Variants in DNAJC6 observed in about 807,000 individuals in gnomAD.
The protein encoded by DNAJC6 is DnaJ heat shock protein family (Hsp40) member C6.
In DNAJC6, 34 loss-of-function variants were observed where a neutral mutation model predicts 110.0. The ratio of observed to expected loss-of-function variants is 0.31; its 90% CI spans 0.24 to 0.41. DNAJC6 has a LOEUF of 0.41. Ranked by LOEUF, DNAJC6 falls within the 10% of genes least tolerant of loss-of-function variation. The probability of loss-of-function intolerance (pLI) is 1.00; values close to 1 mark genes in which losing one functional copy is unlikely to be tolerated. For synonymous variants in DNAJC6, 406 were observed against 437.2 expected (o/e 0.93, Z 0.89); for missense variants, 1,031 against 1,207.8 (o/e 0.85, Z 2.17).
intron 1 of DNAJC6, among the ~76,000 whole-genome samples, chr1:65,283,313 G>A (rs1032093808): frequency 1.3e-5 from 2 of 151,932 alleles, no homozygotes; most frequent in South Asian, 2.1e-4. Flanking sequence ...TCCATTTCCC[G>A]GTCCTTAACC....
In DNAJC6 at chr1:65,390,770, A is replaced by G. The variant is rs557345968; in HGVS notation, c.1468+1143A>G. 2.6e-5 allele frequency among the ~76,000 whole-genome samples: 4 copies of G among 152,340 alleles called. No individual in the cohort carries two copies. The East Asian group carries it at 7.7e-4, about 29-fold the overall frequency. ...TGTTCATAAAATTCCGTTGAATTGA[A>G]AGACTCACTTTCAGAATTTTCTTTC... is the stretch of plus-strand genomic sequence containing the variant. On this transcript the variant is annotated intron_variant, in intron 11 of 18. Transcript: ENST00000371069.
chr1:65,378,480 A>C (rs1645788131), intron 4 of DNAJC6, among the ~76,000 whole-genome samples: 1 of 152,244 alleles, frequency 6.6e-6, no homozygotes, highest in Admixed American at 6.5e-5. Flanking sequence ...ATGTTCATGT[A>C]GTATCCTGTG....
chr1:65,293,592 A>G (rs1339510015), intron 1 of DNAJC6, among the ~76,000 whole-genome samples: 3 of 152,328 alleles, frequency 2.0e-5, no homozygotes, highest in African/African-American at 7.2e-5. Flanking sequence ...GAGAAGAAAT[A>G]TAAAATAATA....
chr1:65,341,857 A>G (rs1175656293), intron 1 of DNAJC6, among the ~76,000 whole-genome samples: 2 of 152,132 alleles, frequency 1.3e-5, no homozygotes, highest in Non-Finnish European at 2.9e-5. Flanking sequence ...AGCCACTGTC[A>G]TCATCCCTTT....
At chr1:65,365,586 C>G (rs1645637974) in intron 2 of DNAJC6, among the ~76,000 whole-genome samples, 1 of 152,098 alleles carries the variant, frequency 6.6e-6, no homozygotes, top group Non-Finnish European at 1.5e-5. Context: ...GGCAAAGAAG[C>G]TAGAACAATT....
intron 15 of DNAJC6, among the ~76,000 whole-genome samples, chr1:65,403,513 T>C (rs191986284): frequency 1.3e-5 from 2 of 152,324 alleles, no homozygotes. Flanking sequence ...TAATAAAGAA[T>C]CAAAGCTGAT....
At chr1:65,373,619 TTTTAA>T (rs1289816709) in intron 4 of DNAJC6, among the ~76,000 whole-genome samples, 2 of 126,304 alleles carry the variant, frequency 1.6e-5, no homozygotes, top group Non-Finnish European at 3.6e-5. Flanking sequence ...TTTGCCCAGT[TTTTAA>T]TTTGTTTTTT....
At chr1:65,407,243 C>T (rs1055286095) in intron 16 of DNAJC6, among the ~76,000 whole-genome samples, 8 of 152,038 alleles carry the variant, frequency 5.3e-5, no homozygotes, top group South Asian at 2.1e-4. Flanking sequence ...GTAGCCATCT[C>T]GGTTATCAGA....
chr1:65,409,116 C>T (rs1206967350), intron 17 of DNAJC6, among the ~76,000 whole-genome samples: 1 of 152,044 alleles, frequency 6.6e-6, no homozygotes, highest in African/African-American at 2.4e-5. Flanking sequence ...GACACTAATC[C>T]CATTTATAAG....
intron 17 of DNAJC6, among the ~76,000 whole-genome samples, chr1:65,410,165 T>A (rs530035925): frequency 1.2e-4 from 19 of 152,290 alleles, no homozygotes; most frequent in Middle Eastern, 6.8e-3. Context: ...GAGGATGTAA[T>A]CTGTCTCTGT....
At chr1:65,329,328 A>G (rs1645267355) in intron 1 of DNAJC6, among the ~76,000 whole-genome samples, 1 of 152,184 alleles carries the variant, frequency 6.6e-6, no homozygotes, top group Non-Finnish European at 1.5e-5. Context: ...GATTACTTTA[A>G]GTAGCTATGA....
At chr1:65,338,871 C>A (rs1375414403) in intron 1 of DNAJC6, among the ~76,000 whole-genome samples, 1 of 152,108 alleles carries the variant, frequency 6.6e-6, no homozygotes, top group Non-Finnish European at 1.5e-5. Context: ...AGAATTGAAC[C>A]ACCTGGCCCC....
chr1:65,397,647 G>A lies in DNAJC6; in HGVS notation c.2039-1166G>A, dbSNP rs760510338. On this transcript the variant is annotated intron_variant, in intron 13 of 18. Coordinates refer to ENST00000371069, the MANE Select transcript of DNAJC6 (RefSeq NM_001256864.2). ...TTGAAGTTCTGATACCTACTTCTGC[G>A]TCTTAATTGGATGTAAGACTAGGAT... Among the ~76,000 whole-genome samples, 7 of 152,194 alleles carry A rather than the reference G, an allele frequency of 4.6e-5. 1 individual carries two copies. Among genetic ancestry groups the A allele is most frequent in the South Asian group, 2.1e-4 (1 of 4,816 alleles).
At chr1:65,302,121 TATAA>T (rs1162672848) in intron 1 of DNAJC6, among the ~76,000 whole-genome samples, 3 of 15,002 alleles carry the variant, frequency 2.0e-4, no homozygotes, top group Non-Finnish European at 2.8e-4. Flanking sequence ...TATATATATA[TATAA>T]AAAATATATA....
At chr1:65,368,713 C>G (rs970525422) in intron 4 of DNAJC6, among the ~76,000 whole-genome samples, 1 of 63,942 alleles carries the variant, frequency 1.6e-5, no homozygotes, top group Admixed American at 1.7e-4. Flanking sequence ...CCTCCTTCTT[C>G]TTCCTCTTCT....
chr1:65,319,650 A>G (rs1645180060), intron 1 of DNAJC6, among the ~76,000 whole-genome samples: 1 of 152,172 alleles, frequency 6.6e-6, no homozygotes, highest in Non-Finnish European at 1.5e-5. Context: ...AAAACAAAAA[A>G]CAAAAAAACC....
intron 11 of DNAJC6, among the ~76,000 whole-genome samples, 183 bp from the exon 12 acceptor site, chr1:65,392,248 C>G (rs1645934731): frequency 6.6e-6 from 1 of 152,122 alleles, no homozygotes; most frequent in Admixed American, 6.5e-5. Context: ...CTCAGATGCT[C>G]AACAAGTGGT....
chr1:65,353,380 C>T (rs1183445814), intron 1 of DNAJC6, among the ~76,000 whole-genome samples: 1 of 152,160 alleles, frequency 6.6e-6, no homozygotes, highest in African/African-American at 2.4e-5. Flanking sequence ...CCCCTTTTCC[C>T]TGGCACATCA....
At position 65,401,795 on chromosome 1, in the gene DNAJC6, C is replaced by A; in HGVS notation, c.2142C>A (p.Thr714=). 1 of 1,613,668 alleles carries A rather than the reference C, an allele frequency of 6.2e-7. No homozygotes were observed. Among genetic ancestry groups the A allele is most frequent in the Non-Finnish European group, 8.5e-7 (1 of 1,179,900 alleles). Residue 714 remains threonine, a synonymous_variant, in exon 15 of 19, where the codon ACC becomes ACA. Transcript: ENST00000371069. ...GAATGGGAAGCAAGTCAGCTGCCACCAGCCCAACCGGATCCTCGCATGGTA... is the reference window on the plus strand; with the variant it reads ...GAATGGGAAGCAAGTCAGCTGCCACAAGCCCAACCGGATCCTCGCATGGTA... The part of the protein sequence containing the change: ...GFGMGSKSAA[T]SPTGSSHGTP...
Sources: allele counts gnomAD v4.1 joint callset (sites outside exome capture counted in the v4.1 genomes callset), GRCh38; gene constraint gnomAD v4.1.1; transcripts MANE v1.5; gene names NCBI Gene and HGNC (gene_info 2026-07-23, HGNC 2026-07-21).